The following SLC25A21 variants were observed in gnomAD, a reference collection of about 807,000 sequenced individuals.
The protein encoded by SLC25A21 is mitochondrial 2-oxodicarboxylate carrier.
A neutral mutation model predicts 43.8 loss-of-function variants in SLC25A21; 47 were observed. That is an observed-to-expected ratio of 1.07 (90% CI 0.85 to 1.37). The LOEUF is 1.37. SLC25A21 is among the 40% of genes most tolerant of loss of function. SLC25A21 has a pLI of 0.00. For synonymous variants in SLC25A21, 131 were observed against 121.3 expected, an observed-to-expected ratio of 1.08 and a Z score of -0.52; for missense variants, 352 against 350.2, an observed-to-expected ratio of 1.00 and a Z score of -0.04.
intron 3 of SLC25A21, among the ~76,000 whole-genome samples, chr14:36,761,550 T>C (rs576525390): frequency 3.9e-5 from 6 of 152,380 alleles, no homozygotes; most frequent in East Asian, 3.9e-4. Flanking sequence ...CAGAGGATCA[T>C]AGACTACATT....
intron 1 of SLC25A21, among the ~76,000 whole-genome samples, chr14:37,121,633 C>T (rs931599016): frequency 6.6e-6 from 1 of 151,932 alleles, no homozygotes; most frequent in East Asian, 1.9e-4. Flanking sequence ...ACTAAAAATA[C>T]AAAAATTAGC....
At chr14:37,161,755 C>A (rs1298958554) in intron 1 of SLC25A21, among the ~76,000 whole-genome samples, 3 of 151,434 alleles carry the variant, frequency 2.0e-5, no homozygotes, top group African/African-American at 7.3e-5. Context: ...GGTCAGGAGA[C>A]CAAGACCATG....
chr14:36,897,277 T>A (rs1208033835), intron 1 of SLC25A21, among the ~76,000 whole-genome samples: 4 of 152,166 alleles, frequency 2.6e-5, no homozygotes, highest in Admixed American at 2.0e-4. Context: ...TTCTCGCTTC[T>A]TTTCATTCAT....
At chr14:36,992,485 C>T (rs938161028) in intron 1 of SLC25A21, among the ~76,000 whole-genome samples, 16 of 151,990 alleles carry the variant, frequency 1.1e-4, no homozygotes, top group Admixed American at 5.2e-4. Context: ...CTAAGAAAGG[C>T]GCCTTTTTAC....
chr14:36,967,223 G>A (rs754443481), intron 1 of SLC25A21, among the ~76,000 whole-genome samples: 3 of 152,160 alleles, frequency 2.0e-5, no homozygotes, highest in Non-Finnish European at 4.4e-5. Flanking sequence ...TAGAAGTGGG[G>A]AGAAACAGAC....
At chr14:37,159,376 G>A in intron 1 of SLC25A21, among the ~76,000 whole-genome samples, 1 of 152,052 alleles carries the variant, frequency 6.6e-6, no homozygotes, top group Non-Finnish European at 1.5e-5. Context: ...TATGAAAAGA[G>A]ACATATAGAC....
intron 1 of SLC25A21, among the ~76,000 whole-genome samples, chr14:37,066,492 G>A (rs1566855980): frequency 6.6e-6 from 1 of 152,062 alleles, no homozygotes; most frequent in Non-Finnish European, 1.5e-5. Flanking sequence ...AAAAAGCATT[G>A]TACTAATACT....
At chr14:37,050,924 T>C (rs1158737343) in intron 1 of SLC25A21, among the ~76,000 whole-genome samples, 1 of 152,226 alleles carries the variant, frequency 6.6e-6, no homozygotes, top group Admixed American at 6.5e-5. Flanking sequence ...GTACATTGAT[T>C]TCATTTCAGA....
chr14:36,794,869 G>A (rs17105336), intron 3 of SLC25A21, among the ~76,000 whole-genome samples: 4,520 of 144,876 alleles, frequency 0.031, 230 homozygotes, highest in African/African-American at 0.11. Flanking sequence ...AAATTGATTC[G>A]AAAGTAAAAA....
In SLC25A21 at chr14:37,045,142, G is replaced by A. The variant is rs150164480; in HGVS notation, c.70+127139C>T. 3.7e-3 allele frequency among the ~76,000 whole-genome samples: 563 copies of A among 152,244 alleles called. 3 individuals carry two copies. The highest frequency in any genetic ancestry group is 8.2e-3 in the African/African-American group (339 of 41,538). On this transcript the variant is annotated intron_variant, in intron 1 of 9. Transcript: ENST00000331299. ...TGCAATGACCTCTTTCAAATCGAAA[G>A]TTACATGATTCTAAAATATATCAGT...
At chr14:36,891,617 C>G (rs1891074685) in intron 1 of SLC25A21, among the ~76,000 whole-genome samples, 1 of 152,118 alleles carries the variant, frequency 6.6e-6, no homozygotes, top group Non-Finnish European at 1.5e-5. Context: ...AATACTGTAG[C>G]ACCAGCAAAA....
At chr14:37,025,474 G>C (rs185516556) in intron 1 of SLC25A21, among the ~76,000 whole-genome samples, 6 of 152,258 alleles carry the variant, frequency 3.9e-5, no homozygotes, top group Non-Finnish European at 7.4e-5. Flanking sequence ...ATGCTCCGCA[G>C]TTAATAAACG....
At chr14:37,164,609 A>C (rs1271129566) in intron 1 of SLC25A21, among the ~76,000 whole-genome samples, 1 of 152,180 alleles carries the variant, frequency 6.6e-6, no homozygotes, top group Non-Finnish European at 1.5e-5. Context: ...ACGTAGTTCA[A>C]ATTAAAATCC....
intron 2 of SLC25A21, among the ~76,000 whole-genome samples, chr14:36,860,340 G>A (rs117260036): frequency 3.9e-5 from 6 of 152,292 alleles, no homozygotes; most frequent in Non-Finnish European, 7.4e-5. Context: ...TGAAAACACT[G>A]CCTTGGAAAC....
Position 36,739,050 on chromosome 14 carries a change from C to T in SLC25A21, c.204-4477G>A, listed in dbSNP as rs549935086. Among the ~76,000 whole-genome samples the T allele has an allele frequency of 1.8e-4, 27 of 152,198 alleles. No individual in the cohort carries two copies. The South Asian group carries it at 1.9e-3, about 11-fold the overall frequency. Reference sequence around the variant, plus strand: ...ATCAAGTTCTTTATGTCCTTGACCACCAGGCTATACTGTATAGCTTTTTTT... The same window carrying T: ...ATCAAGTTCTTTATGTCCTTGACCATCAGGCTATACTGTATAGCTTTTTTT... On this transcript the variant is annotated intron_variant, in intron 3 of 9. Coordinates refer to ENST00000331299, the MANE Select transcript of SLC25A21 (RefSeq NM_030631.4).
intron 1 of SLC25A21, among the ~76,000 whole-genome samples, chr14:36,900,366 G>A (rs1339054088): frequency 6.6e-6 from 1 of 152,070 alleles, no homozygotes; most frequent in Non-Finnish European, 1.5e-5. Flanking sequence ...CCTGTATGGA[G>A]GACTATCGAG....
chr14:36,680,445 T>G lies in SLC25A21; in HGVS notation c.*213A>C. ...TCACTTTAAATACCTCATTGTTTCA[T>G]ATTATTTTTTTCTTCTCACAGTTTT... On this transcript the variant is annotated 3_prime_UTR_variant, in exon 10 of 10. Coordinates refer to ENST00000331299, the MANE Select transcript of SLC25A21 (RefSeq NM_030631.4). The G allele has an allele frequency of 8.5e-7, 1 of 1,180,542 alleles. No individual in the cohort carries two copies. The highest frequency in any genetic ancestry group is 1.1e-6 in the Non-Finnish European group (1 of 948,254). The allele number at this position is 1,180,542 out of a possible 1,614,324, so 73.1% of individuals were successfully genotyped here. A position where few individuals can be genotyped will look rare whatever the true frequency, so the allele number is the denominator to read the frequency against.
chr14:36,751,012 G>A (rs1340962546), intron 3 of SLC25A21, among the ~76,000 whole-genome samples: 1 of 152,162 alleles, frequency 6.6e-6, no homozygotes, highest in Non-Finnish European at 1.5e-5. Context: ...CCCGAAGATG[G>A]GCGGGCTAGA....
chr14:37,041,751 T>G (rs1961477309), intron 1 of SLC25A21, among the ~76,000 whole-genome samples: 1 of 152,206 alleles, frequency 6.6e-6, no homozygotes, highest in African/African-American at 2.4e-5. Context: ...ACAGAACATC[T>G]TGCTGTTTCT....
Sources: allele counts gnomAD v4.1 joint callset (sites outside exome capture counted in the v4.1 genomes callset), GRCh38; gene constraint gnomAD v4.1.1; transcripts MANE v1.5; gene names NCBI Gene and HGNC (gene_info 2026-07-23, HGNC 2026-07-21).